JADE1: variants seen among roughly 807,000 people sequenced by gnomAD.
The protein encoded by JADE1 is jade family PHD finger 1, also known as protein Jade-1.
A neutral mutation model predicts 81.8 loss-of-function variants in JADE1; 14 were observed. That is an observed-to-expected ratio of 0.17 (90% CI 0.11 to 0.27). JADE1 has a LOEUF of 0.27. Among genes scored for constraint, JADE1 ranks in the 10% least tolerant of loss-of-function variants. The probability of loss-of-function intolerance (pLI) is 1.00; values close to 1 mark genes in which losing one functional copy is unlikely to be tolerated. For synonymous variants in JADE1, 353 were observed against 391.9 expected (o/e 0.90, Z 1.17); for missense variants, 690 against 1,047.9 (o/e 0.66, Z 4.71).
intron 1 of JADE1, among the ~76,000 whole-genome samples, chr4:128,822,275 G>A (rs1183460058): frequency 6.6e-6 from 1 of 152,150 alleles, no homozygotes; most frequent in Non-Finnish European, 1.5e-5. Flanking sequence ...GCTGAGGCAG[G>A]AGAATCGCTT....
At chr4:128,836,976 AG>A (rs1192137033) in intron 2 of JADE1, among the ~76,000 whole-genome samples, 1 of 152,184 alleles carries the variant, frequency 6.6e-6, no homozygotes, top group Admixed American at 6.5e-5. Flanking sequence ...AAAGGTCCAA[AG>A]GGAGATTGGT....
chr4:128,864,429 T>C (rs1731631051), intron 9 of JADE1: 2 of 985,214 alleles, frequency 2.0e-6, no homozygotes, highest in African/African-American at 3.5e-5. Context: ...TACGCCACTG[T>C]ACCCAGCCTT....
chr4:128,855,693 G>C lies in JADE1; in HGVS notation c.760G>C (p.Val254Leu). ...GCTGTGCCGGACATGTGCCCTGGGG[G>C]TTCAGCCAAAATGTCTGCTGTGTCC... The part of the protein sequence containing the change: ...SWLCRTCALG[V>L]QPKCLLCPKK... Residue 254 changes from valine to leucine, a missense_variant, in exon 7 of 11, where the codon GTT (valine) becomes CTT (leucine). By Grantham distance (32) the Val-to-Leu change is conservative (BLOSUM62 1). This residue lies in a region of JADE1 where 84 missense variants were observed against 226.6 expected (regional missense o/e 0.37). Transcript: ENST00000226319. 1 of 1,614,192 alleles carries C rather than the reference G, an allele frequency of 6.2e-7. No individual in the cohort carries two copies. Among genetic ancestry groups the C allele is most frequent in the Non-Finnish European group, 8.5e-7 (1 of 1,180,002 alleles).
At chr4:128,833,097 C>T (rs943756366) in intron 2 of JADE1, among the ~76,000 whole-genome samples, 1 of 152,068 alleles carries the variant, frequency 6.6e-6, no homozygotes, top group African/African-American at 2.4e-5. Context: ...GTAGGGGCTC[C>T]AGAGCGAAAG....
At chr4:128,865,629 C>G (rs1731725083) in intron 9 of JADE1, among the ~76,000 whole-genome samples, 1 of 152,112 alleles carries the variant, frequency 6.6e-6, no homozygotes, top group South Asian at 2.1e-4. Flanking sequence ...GTTTAGAGTC[C>G]TCACTACTAT....
chr4:128,817,021 T>A (rs4975264), intron 1 of JADE1, among the ~76,000 whole-genome samples: 1 of 151,228 alleles, frequency 6.6e-6, no homozygotes, highest in East Asian at 2.0e-4. Context: ...GCCGTGTCTG[T>A]CTAATTTTTG....
intron 1 of JADE1, chr4:128,816,545 C>G (rs1226805140): frequency 6.6e-6 from 1 of 152,120 alleles, no homozygotes; most frequent in East Asian, 1.9e-4. Flanking sequence ...CCTTTCCTAG[C>G]CCAGGACTTG....
chr4:128,818,029 C>G (rs994768184), intron 1 of JADE1, among the ~76,000 whole-genome samples: 5 of 152,124 alleles, frequency 3.3e-5, no homozygotes, highest in African/African-American at 9.6e-5. Context: ...CAGGGGTTTT[C>G]TTTTGAGAAA....
intron 7 of JADE1, 103 bp from the exon 8 acceptor site, chr4:128,857,234 TG>T: frequency 1.1e-6 from 1 of 883,958 alleles, no homozygotes; most frequent in Non-Finnish European, 1.9e-6. Flanking sequence ...TGCCACTGTC[TG>T]GTAGGAGAGA....
rs1365095216 is a variant in JADE1, at chr4:128,873,185, C to A, written c.*923C>A. On this transcript the variant is annotated 3_prime_UTR_variant, in exon 11 of 11. Transcript: ENST00000226319. ...TCCAGACTCTGGTGACTGTTACTTC[C>A]CAGAGCCAACCACTAGTGCATATGT... is the stretch of plus-strand genomic sequence containing the variant. 5.9e-6 allele frequency: 1 copy of A among 169,778 alleles called. No homozygotes were observed. Among genetic ancestry groups the A allele is most frequent in the Non-Finnish European group, 1.3e-5 (1 of 78,700 alleles). The allele number at this position is 169,778 out of a possible 1,614,324, so 10.5% of individuals were successfully genotyped here.
At chr4:128,834,966 C>T (rs989735489) in intron 2 of JADE1, among the ~76,000 whole-genome samples, 6 of 150,658 alleles carry the variant, frequency 4.0e-5, no homozygotes, top group African/African-American at 1.2e-4. Flanking sequence ...GGCAACAAAG[C>T]GAGAACCCAT....
intron 1 of JADE1, among the ~76,000 whole-genome samples, chr4:128,826,642 A>G (rs1728102048): frequency 6.6e-6 from 1 of 150,888 alleles, no homozygotes; most frequent in Non-Finnish European, 1.5e-5. Context: ...TGCAGATAAT[A>G]TGCCTGCCTC....
In JADE1 at chr4:128,860,576, T is replaced by C. The variant is rs372683249; in HGVS notation, c.982-1128T>C. Among the ~76,000 whole-genome samples, 4 of 152,328 alleles carry C rather than the reference T, an allele frequency of 2.6e-5. 1 individual carries two copies. In the South Asian group the frequency reaches 8.3e-4, roughly 32 times the overall value. On this transcript the variant is annotated intron_variant, in intron 8 of 10. Coordinates refer to ENST00000226319, the MANE Select transcript of JADE1 (RefSeq NM_199320.4). ...GCCCCTGGCATGCCCCGGTGATCAC[T>C]TGGCTTCACACAATGCAGTGCTGCT...
chr4:128,818,328 C>T (rs776004719), intron 1 of JADE1, among the ~76,000 whole-genome samples: 2 of 152,012 alleles, frequency 1.3e-5, no homozygotes, highest in Non-Finnish European at 2.9e-5. Context: ...ACCATGTTGG[C>T]CAGGCTGGTC....
rs145895075 is a variant in JADE1, at chr4:128,871,428, T to C, written c.1695T>C (p.Asp565=). 9.4e-5 allele frequency: 152 copies of C among 1,614,220 alleles called. 4 individuals carry two copies. The South Asian group carries it at 9.9e-4, about 10-fold the overall frequency. The change falls in exon 11 of 11, where the codon GAT becomes GAC. Residue 565 remains aspartate (D), a synonymous_variant. Transcript: ENST00000226319. This position sits in a 1 kb window ranked among gnomAD's most constrained non-coding sequence, Gnocchi z 4.1. ...TTAACAGTCCTTCTGTTGGCCCTGATGCTCCCAAGATAGAGGACTTGAAGT... is the reference window on the plus strand; with the variant it reads ...TTAACAGTCCTTCTGTTGGCCCTGACGCTCCCAAGATAGAGGACTTGAAGT... ...LLFNSPSVGP[D]APKIEDLKWH...
chr4:128,857,022 T>C (rs907871716), intron 7 of JADE1, among the ~76,000 whole-genome samples: 1 of 152,246 alleles, frequency 6.6e-6, no homozygotes, highest in Non-Finnish European at 1.5e-5. Context: ...CAATTTGTTA[T>C]GAGCTAGAGA....
chr4:128,840,057 A>G (rs915409212), intron 2 of JADE1, among the ~76,000 whole-genome samples: 23 of 152,234 alleles, frequency 1.5e-4, no homozygotes, highest in South Asian at 4.1e-4. Flanking sequence ...GGTTATTACT[A>G]TTGGATACCA....
rs755648980 is a variant in JADE1, at chr4:128,871,351, A to T, written c.1622-4A>T. The T allele has an allele frequency of 6.2e-7, 1 of 1,609,542 alleles. No homozygotes were observed. Among genetic ancestry groups the T allele is most frequent in the Non-Finnish European group, 8.5e-7 (1 of 1,177,636 alleles). ...TTTCTTTATTTGTGGTTTTATGTTT[A>T]TAGGTGTGCCTTCTTCCTGCTCCTC... On this transcript the variant is annotated splice_polypyrimidine_tract_variant and splice_region_variant and intron_variant, in intron 10 of 10. Transcript: ENST00000226319. The surrounding 1 kb of genome is among the most constrained non-coding windows in gnomAD (Gnocchi z 4.1).
chr4:128,838,180 A>G (rs944623211), intron 2 of JADE1, among the ~76,000 whole-genome samples: 1 of 152,202 alleles, frequency 6.6e-6, no homozygotes, highest in Non-Finnish European at 1.5e-5. Flanking sequence ...ATAACTTTAT[A>G]TTAACCCAAA....
Sources: allele counts gnomAD v4.1 joint callset (sites outside exome capture counted in the v4.1 genomes callset), GRCh38; gene constraint gnomAD v4.1.1; regional missense constraint gnomAD v4.1.1; non-coding constraint Gnocchi (gnomAD v3.1); transcripts MANE v1.5; gene names NCBI Gene and HGNC (gene_info 2026-07-23, HGNC 2026-07-21).